MYO6: variants seen among roughly 807,000 people sequenced by gnomAD.
MYO6 encodes unconventional myosin-VI.
A neutral mutation model predicts 178.7 loss-of-function variants in MYO6; 74 were observed. The ratio of observed to expected loss-of-function variants is 0.41; its 90% CI spans 0.34 to 0.50. The LOEUF (loss-of-function observed/expected upper bound fraction) is 0.50. Ranked by LOEUF, MYO6 falls within the 20% of genes least tolerant of loss-of-function variation. MYO6 has a pLI of 0.09. For synonymous variants in MYO6, 477 were observed against 504.6 expected (o/e 0.95, Z 0.73); for missense variants, 1,330 against 1,547.4 (o/e 0.86, Z 2.36).
intron 1 of MYO6, among the ~76,000 whole-genome samples, chr6:75,778,596 C>CA (rs760998259): frequency 0.028 from 3,044 of 110,354 alleles, 53 homozygotes; most frequent in East Asian, 0.14. Context: ...GACTCCGTCT[C>CA]AAAAAAAAAA....
In MYO6 at chr6:75,892,530, G is replaced by A. The variant is rs1193424066; in HGVS notation, c.2947G>A (p.Ala983Thr). 1 of 1,614,018 alleles carries A rather than the reference G, an allele frequency of 6.2e-7. No individual in the cohort carries two copies. The highest frequency in any genetic ancestry group is 2.2e-5 in the East Asian group (1 of 44,884). Reference protein sequence around the residue: ...KREDDEKRIQAEVEAQLARQK... With the variant: ...KREDDEKRIQTEVEAQLARQK... ...TGAAATAGCTTTCTGCCCTTGTCAG[G>A]CTGAAGTGGAGGCACAGCTGGCCCG... Residue 983 changes from alanine (A) to threonine (T), a missense_variant and splice_region_variant, in exon 28 of 35, where the codon GCT becomes ACT. Coordinates refer to ENST00000369977, the MANE Select transcript of MYO6 (RefSeq NM_004999.4).
intron 20 of MYO6, among the ~76,000 whole-genome samples, chr6:75,873,684 C>CA (rs1777334926): frequency 6.6e-6 from 1 of 152,164 alleles, no homozygotes; most frequent in Non-Finnish European, 1.5e-5. Context: ...TCTCTAACAG[C>CA]AAAACTGGAT....
At chr6:75,813,982 G>T (rs11968058) in intron 1 of MYO6, among the ~76,000 whole-genome samples, 5,614 of 152,138 alleles carry the variant, frequency 0.037, 224 homozygotes, top group East Asian at 0.15. Context: ...TAATAGAGCT[G>T]TGAGTTGCAC....
chr6:75,874,446 C>T (rs569154891), intron 20 of MYO6, among the ~76,000 whole-genome samples: 1 of 152,326 alleles, frequency 6.6e-6, no homozygotes, highest in Non-Finnish European at 1.5e-5. Flanking sequence ...CTGCTTTCCT[C>T]AAATCTCTGC....
chr6:75,895,643 A>C (rs1779240044), intron 29 of MYO6, among the ~76,000 whole-genome samples: 1 of 151,216 alleles, frequency 6.6e-6, no homozygotes, highest in Non-Finnish European at 1.5e-5. Flanking sequence ...TCAGCCTCCC[A>C]AGTAGCTGGG....
At chr6:75,903,813 T>C (rs1479226532) in intron 30 of MYO6, among the ~76,000 whole-genome samples, 2 of 152,098 alleles carry the variant, frequency 1.3e-5, no homozygotes, top group African/African-American at 4.8e-5. Context: ...ATGCAGTTTC[T>C]TCCTAGTCTC....
chr6:75,758,519 GTT>G (rs1777666426), intron 1 of MYO6, among the ~76,000 whole-genome samples: 1 of 151,960 alleles, frequency 6.6e-6, no homozygotes, highest in African/African-American at 2.4e-5. Context: ...GGAGTGCAGT[GTT>G]GCCATCTCAG....
At chr6:75,783,021 C>T (rs985017513) in intron 1 of MYO6, among the ~76,000 whole-genome samples, 1 of 150,362 alleles carries the variant, frequency 6.7e-6, no homozygotes, top group Non-Finnish European at 1.5e-5. Context: ...CTCAAGTGAT[C>T]CTACCACCTC....
chr6:75,825,380 G>T (rs1406334158), intron 3 of MYO6, among the ~76,000 whole-genome samples: 1 of 152,108 alleles, frequency 6.6e-6, no homozygotes, highest in East Asian at 1.9e-4. Flanking sequence ...ATCACCTGAG[G>T]TCAGGACTTT....
intron 1 of MYO6, among the ~76,000 whole-genome samples, chr6:75,750,807 T>G (rs753617686): frequency 6.6e-6 from 1 of 151,376 alleles, no homozygotes; most frequent in Non-Finnish European, 1.5e-5. Flanking sequence ...CTCGAACTCC[T>G]GACCTCAGGT....
At chr6:75,753,509 C>T (rs1205971102) in intron 1 of MYO6, among the ~76,000 whole-genome samples, 1 of 149,274 alleles carries the variant, frequency 6.7e-6, no homozygotes, top group Admixed American at 6.7e-5. Flanking sequence ...CTCATTCATG[C>T]CACATGCAGT....
chr6:75,913,034 G>A (rs1780880613), intron 33 of MYO6, among the ~76,000 whole-genome samples: 1 of 152,010 alleles, frequency 6.6e-6, no homozygotes, highest in South Asian at 2.1e-4. Context: ...AAGCCATGTG[G>A]CTCTTCTTGG....
At chr6:75,901,210 G>A (rs867905098) in intron 30 of MYO6, among the ~76,000 whole-genome samples, 6 of 151,910 alleles carry the variant, frequency 3.9e-5, no homozygotes, top group African/African-American at 9.7e-5. Context: ...TTGACTTGGC[G>A]ATGCGGGCTC....
rs1458428815 is a variant in MYO6, at chr6:75,844,347, A to G, written c.817-550A>G. Among the ~76,000 whole-genome samples the G allele has an allele frequency of 2.0e-5, 3 of 152,298 alleles. No homozygotes were observed. The East Asian group carries it at 5.8e-4, about 29-fold the overall frequency. On this transcript the variant is annotated intron_variant, in intron 9 of 34. Transcript: ENST00000369977. ...AAGAAAACTTTAAATTATTTGATCC[A>G]TAAAGCATAAAGCAAGTAGTGTAAT...
At chr6:75,794,553 T>G (rs1389509697) in intron 1 of MYO6, among the ~76,000 whole-genome samples, 1 of 152,116 alleles carries the variant, frequency 6.6e-6, no homozygotes, top group Non-Finnish European at 1.5e-5. Flanking sequence ...ATGTGTGTGT[T>G]CAATCAGTAA....
intron 1 of MYO6, among the ~76,000 whole-genome samples, chr6:75,807,610 C>T (rs189699786): frequency 1.3e-5 from 2 of 152,202 alleles, no homozygotes; most frequent in East Asian, 3.9e-4. Flanking sequence ...TTGGATCTCA[C>T]ACAAGAAAGA....
At chr6:75,751,297 A>G (rs1204125590) in intron 1 of MYO6, among the ~76,000 whole-genome samples, 2 of 152,186 alleles carry the variant, frequency 1.3e-5, no homozygotes, top group Non-Finnish European at 2.9e-5. Flanking sequence ...TTTGTGTGAC[A>G]TGCTGTTTAT....
At chr6:75,897,245 T>G (rs969145299) in intron 29 of MYO6, among the ~76,000 whole-genome samples, 3 of 152,214 alleles carry the variant, frequency 2.0e-5, no homozygotes, top group African/African-American at 7.2e-5. Context: ...ATAATAGAAT[T>G]AAACATACTT....
At chr6:75,840,118 A>G (rs765498870) in intron 7 of MYO6, among the ~76,000 whole-genome samples, 12 of 149,972 alleles carry the variant, frequency 8.0e-5, no homozygotes, top group Non-Finnish European at 1.5e-4. Context: ...ATCAATAAAT[A>G]TTTGTGGAAT....
Sources: allele counts gnomAD v4.1 joint callset (sites outside exome capture counted in the v4.1 genomes callset), GRCh38; gene constraint gnomAD v4.1.1; transcripts MANE v1.5; gene names NCBI Gene and HGNC (gene_info 2026-07-23, HGNC 2026-07-21).